The following ANKRD36C variants were observed in gnomAD, a reference collection of about 807,000 sequenced individuals.
ANKRD36C encodes ankyrin repeat domain 36C, also known as ankyrin repeat domain-containing protein 36C.
In ANKRD36C, 61 loss-of-function variants were observed where a neutral mutation model predicts 276.4. The observed-to-expected ratio is 0.22, with a 90% CI of 0.18 to 0.27. The LOEUF (loss-of-function observed/expected upper bound fraction) is 0.27, where lower values mean the gene tolerates loss of function less well. Among genes scored for constraint, ANKRD36C ranks in the 10% least tolerant of loss-of-function variants. The pLI, the probability that ANKRD36C is intolerant of heterozygous loss-of-function variation, is 1.00. For synonymous variants in ANKRD36C, 483 were observed against 680.1 expected, an observed-to-expected ratio of 0.71 and a Z score of 4.51; for missense variants, 1,447 against 2,032.3, an observed-to-expected ratio of 0.71 and a Z score of 5.54.
intron 1 of ANKRD36C, among the ~76,000 whole-genome samples, chr2:95,991,165 ACCC>A (rs1558667218): frequency 1.2e-5 from 1 of 82,480 alleles, no homozygotes; most frequent in Non-Finnish European, 2.4e-5. Flanking sequence ...CCCACACCTC[ACCC>A]CCACCTCCAG....
At chr2:95,939,296 C>A (rs1435540334) in intron 20 of ANKRD36C, among the ~76,000 whole-genome samples, 1 of 152,172 alleles carries the variant, frequency 6.6e-6, no homozygotes, top group African/African-American at 2.4e-5. Flanking sequence ...AGTATTTCTA[C>A]CAATGTGAAT....
At chr2:95,983,050 T>C (rs1465655536) in intron 3 of ANKRD36C, among the ~76,000 whole-genome samples, 4 of 151,658 alleles carry the variant, frequency 2.6e-5, no homozygotes. Context: ...AGGTGGAGGT[T>C]TCCTCTGGGT....
chr2:95,891,254 TCTC>T (rs1184839115), intron 46 of ANKRD36C, among the ~76,000 whole-genome samples: 1 of 151,486 alleles, frequency 6.6e-6, no homozygotes, highest in Admixed American at 6.6e-5. Context: ...TCTCCTTAGT[TCTC>T]CTAACAGTGT....
At chr2:95,891,895 G>A in intron 44 of ANKRD36C, 35 bp from the exon 65 acceptor site, 1 of 1,553,970 alleles carries the variant, frequency 6.4e-7, no homozygotes, top group Non-Finnish European at 8.7e-7. Context: ...TCACTCATAT[G>A]TAAAAATGAC....
intron 28 of ANKRD36C, 140 bp downstream of exon 28, chr2:95,927,074 T>A: frequency 8.1e-7 from 1 of 1,237,202 alleles, no homozygotes; most frequent in Non-Finnish European, 1.1e-6. Flanking sequence ...AGCATCAGTG[T>A]CACCTGAGAA....
intron 42 of ANKRD36C, among the ~76,000 whole-genome samples, chr2:95,902,521 T>C (rs1447927118): frequency 6.6e-6 from 1 of 150,556 alleles, no homozygotes; most frequent in African/African-American, 2.4e-5. Context: ...TTCTATCTTT[T>C]CTTGGCAGTA....
intron 59 of ANKRD36C, among the ~76,000 whole-genome samples, chr2:95,872,384 A>G (rs1483238281): frequency 6.6e-6 from 1 of 151,716 alleles, no homozygotes; most frequent in Non-Finnish European, 1.5e-5. Context: ...GCTCAACTAC[A>G]TGGAAACTGA....
At chr2:95,971,754 T>C (rs1318329243) in intron 6 of ANKRD36C, among the ~76,000 whole-genome samples, 1 of 152,090 alleles carries the variant, frequency 6.6e-6, no homozygotes, top group Non-Finnish European at 1.5e-5. Context: ...CTGAACCATC[T>C]ATATAATTAA....
At chr2:95,947,043 A>AT (rs1327496705) in intron 17 of ANKRD36C, among the ~76,000 whole-genome samples, 1 of 151,440 alleles carries the variant, frequency 6.6e-6, no homozygotes, top group Non-Finnish European at 1.5e-5. Context: ...ATATAAAAAA[A>AT]TAAAAAAATA....
intron 44 of ANKRD36C, among the ~76,000 whole-genome samples, chr2:95,892,451 G>A (rs1676399851): frequency 6.6e-6 from 1 of 151,494 alleles, no homozygotes; most frequent in Admixed American, 6.6e-5. Flanking sequence ...CCCATATGGT[G>A]TAATAATCTG....
chr2:95,928,943 A>G (rs1251592491), intron 26 of ANKRD36C, 129 bp downstream of exon 26: 6 of 1,419,726 alleles, frequency 4.2e-6, no homozygotes, highest in East Asian at 2.4e-5. Context: ...ACTCACTACA[A>G]ATGAAGAATC....
chr2:95,889,932 T>G, intron 47 of ANKRD36C, 34 bp downstream of exon 67: 1 of 1,609,534 alleles, frequency 6.2e-7, no homozygotes, highest in Non-Finnish European at 8.5e-7. Flanking sequence ...ACTATACAGT[T>G]AATAGTTCAA....
In ANKRD36C at chr2:95,897,361, G is replaced by C. The variant is rs568114715; in HGVS notation, c.2755+1784C>G. 117 of 1,557,344 alleles carry C rather than the reference G, an allele frequency of 7.5e-5. 4 individuals are homozygous for C. The Middle Eastern group carries it at 3.5e-3, about 46-fold the overall frequency. On this transcript the variant is annotated intron_variant, in intron 44 of 66. Transcript: ENST00000456556. ...TTGTAGCCTGAATGGAATTTGAAAT[G>C]AAATAATAAATTAATAAAGTATGTT...
intron 42 of ANKRD36C, among the ~76,000 whole-genome samples, chr2:95,907,691 G>A (rs1344624356): frequency 3.4e-5 from 5 of 145,756 alleles, no homozygotes; most frequent in East Asian, 2.0e-4. Flanking sequence ...TGGGAGTATC[G>A]TGTTATTCTC....
At chr2:95,980,840 T>C (rs1451397303) in intron 4 of ANKRD36C, 55 bp from the exon 5 acceptor site, 7 of 1,532,268 alleles carry the variant, frequency 4.6e-6, no homozygotes, top group African/African-American at 1.4e-5. Flanking sequence ...AAGCTTAGTT[T>C]ATATACTTTA....
chr2:95,876,032 A>C, intron 59 of ANKRD36C: 1 of 413,006 alleles, frequency 2.4e-6, no homozygotes, highest in South Asian at 1.8e-5. Flanking sequence ...ACTGGCAATA[A>C]AAAAACTGCA....
At chr2:95,918,636 A>C (rs2104416834) in intron 34 of ANKRD36C, among the ~76,000 whole-genome samples, 1 of 151,790 alleles carries the variant, frequency 6.6e-6, no homozygotes, top group Non-Finnish European at 1.5e-5. Context: ...ATGTGGTGTA[A>C]TAATTTGCCT....
At position 95,902,493 on chromosome 2, in the gene ANKRD36C, G is replaced by A. The variant is rs549151237; in HGVS notation, c.2654-3157C>T. Among the ~76,000 whole-genome samples, 7 of 150,546 alleles carry A rather than the reference G, an allele frequency of 4.6e-5. No individual in the cohort carries two copies. The South Asian group carries it at 1.3e-3, about 27-fold the overall frequency. ...CCTTAGTTCTCCTAACAGTGTCTAC[G>A]GGTTGTTACAACAAGCTTTCTATCT... On this transcript the variant is annotated intron_variant, in intron 42 of 66. Coordinates refer to ENST00000456556, the Ensembl canonical transcript of ANKRD36C.
Position 95,889,785 on chromosome 2 carries a change from G to T in ANKRD36C, c.2959+14C>A. The T allele has an allele frequency of 6.3e-7, 1 of 1,577,096 alleles. No individual in the cohort carries two copies. The highest frequency in any genetic ancestry group is 8.6e-7 in the Non-Finnish European group (1 of 1,159,742). On this transcript the variant is annotated intron_variant, in intron 48 of 66. Coordinates refer to ENST00000456556, the Ensembl canonical transcript of ANKRD36C. ...CTTGAACGAACATCCTATTAAATGT[G>T]TTTGCAAAATTACCTGTCCCAGATA...
Sources: gnomAD v4.1 joint callset for allele counts (sites outside exome capture counted in the v4.1 genomes callset) on GRCh38, gnomAD v4.1.1 for gene constraint, MANE v1.5 for transcripts, NCBI Gene and HGNC (gene_info 2026-07-23, HGNC 2026-07-21) for gene names.